Variants in ADGRL3 observed in about 807,000 individuals in gnomAD.
The protein encoded by ADGRL3 is calcium-independent alpha-latrotoxin receptor 3.
ADGRL3 carries 62 observed loss-of-function variants against 153.5 expected under a neutral mutation model. The observed-to-expected ratio is 0.40, with a 90% CI of 0.33 to 0.50. The LOEUF is 0.50. Among genes scored for constraint, ADGRL3 ranks in the 20% least tolerant of loss-of-function variants. The pLI, the probability that ADGRL3 is intolerant of heterozygous loss-of-function variation, is 0.47. For missense variants in ADGRL3, 1,641 were observed against 1,859.4 expected (o/e 0.88, Z 2.16); for synonymous variants, 710 against 672.5 (o/e 1.06, Z -0.86).
intron 4 of ADGRL3, among the ~76,000 whole-genome samples, chr4:61,522,867 C>T (rs1013595331): frequency 6.6e-6 from 1 of 152,064 alleles, no homozygotes; most frequent in African/African-American, 2.4e-5. Flanking sequence ...GCCAATATAC[C>T]TTTGGCAAAT....
chr4:61,383,992 T>C (rs530526617), intron 2 of ADGRL3, among the ~76,000 whole-genome samples: 3 of 151,864 alleles, frequency 2.0e-5, no homozygotes, highest in Non-Finnish European at 4.4e-5. Context: ...TCAACTTTCT[T>C]ATTGGTCTTC....
At chr4:61,836,874 T>C (rs1362799270) in intron 9 of ADGRL3, among the ~76,000 whole-genome samples, 6 of 152,056 alleles carry the variant, frequency 3.9e-5, no homozygotes, top group Non-Finnish European at 7.4e-5. Flanking sequence ...TAATACTGAA[T>C]AATACAAGAA....
intron 2 of ADGRL3, among the ~76,000 whole-genome samples, chr4:61,391,921 G>T (rs373948578): frequency 4.8e-5 from 7 of 145,348 alleles, no homozygotes; most frequent in African/African-American, 1.3e-4. Context: ...GTGCAGTGGC[G>T]CGAGCTCGCC....
At chr4:61,475,565 A>T (rs944081954) in intron 2 of ADGRL3, among the ~76,000 whole-genome samples, 4 of 152,162 alleles carry the variant, frequency 2.6e-5, no homozygotes, top group Non-Finnish European at 5.9e-5. Flanking sequence ...TTTTTGATGT[A>T]ATGATGAGGT....
intron 5 of ADGRL3, among the ~76,000 whole-genome samples, chr4:61,624,179 G>T (rs956720580): frequency 6.6e-6 from 1 of 152,120 alleles, no homozygotes; most frequent in Non-Finnish European, 1.5e-5. Flanking sequence ...TTAAGGAAAT[G>T]AATGGCATAG....
At chr4:61,885,604 G>T (rs995677788) in intron 9 of ADGRL3, among the ~76,000 whole-genome samples, 1 of 152,084 alleles carries the variant, frequency 6.6e-6, no homozygotes, top group Admixed American at 6.5e-5. Flanking sequence ...CCATAGTAAC[G>T]CCTATAAAAG....
At chr4:61,845,399 G>C (rs1242209741) in intron 9 of ADGRL3, among the ~76,000 whole-genome samples, 1 of 151,550 alleles carries the variant, frequency 6.6e-6, no homozygotes, top group Non-Finnish European at 1.5e-5. Flanking sequence ...ACCTGGGCTG[G>C]GAGTACAGTG....
intron 5 of ADGRL3, among the ~76,000 whole-genome samples, chr4:61,668,080 A>G (rs1448999139): frequency 6.6e-6 from 1 of 152,244 alleles, no homozygotes; most frequent in African/African-American, 2.4e-5. Context: ...GACTTTTCAT[A>G]TATGATGAAA....
At chr4:61,460,755 A>G (rs1041703341) in intron 2 of ADGRL3, among the ~76,000 whole-genome samples, 2 of 152,240 alleles carry the variant, frequency 1.3e-5, no homozygotes, top group South Asian at 2.1e-4. Flanking sequence ...AAGCCAAGCA[A>G]AAGGGGAAAC....
At chr4:61,564,559 C>T (rs1292230800) in intron 4 of ADGRL3, among the ~76,000 whole-genome samples, 1 of 152,204 alleles carries the variant, frequency 6.6e-6, no homozygotes, top group Non-Finnish European at 1.5e-5. Context: ...AGGCTTGAGC[C>T]AGAGCGTTTG....
chr4:61,998,177 A>G lies in ADGRL3; in HGVS notation c.3307A>G (p.Asn1103Asp). 1.3e-6 allele frequency: 2 copies of G among 1,544,302 alleles called. No homozygotes were observed. The highest frequency in any genetic ancestry group is 1.8e-6 in the Non-Finnish European group (2 of 1,139,742). ...IGPATLIIMLNVIFLGIALYK... is the reference protein window; with the variant it reads ...IGPATLIIMLDVIFLGIALYK... ...AACACTACCTTTTGCATTCCAGCTT[A>G]ATGTAATCTTCCTTGGGATTGCTTT... is the stretch of plus-strand genomic sequence containing the variant. The change falls in exon 21 of 27, where the codon AAT (asparagine) becomes GAT (aspartate). Residue 1103 changes from asparagine to aspartate, a missense_variant. Transcript: ENST00000683033.
Position 61,676,948 on chromosome 4 carries a change from C to CCTTACAGTATG in ADGRL3, c.583+13_583+14insCTTACAGTATG. The CCTTACAGTATG allele has an allele frequency of 6.6e-7, 1 of 1,505,400 alleles. No homozygotes were observed. Among genetic ancestry groups the CCTTACAGTATG allele is most frequent in the Non-Finnish European group, 9.2e-7 (1 of 1,084,018 alleles). The allele number at this position is 1,505,400 out of a possible 1,614,324, so 93.3% of individuals were successfully genotyped here. On this transcript the variant is annotated intron_variant, in intron 6 of 26. Transcript: ENST00000683033. ...TGTGTCCCTTACAGTATGTATATTCCTATACTTTTCTTGGCAAGAGAAAAG... is the reference window on the plus strand; with the variant it reads ...TGTGTCCCTTACAGTATGTATATTCCCTTACAGTATGTATACTTTTCTTGGCAAGAGAAAAG...
At chr4:61,945,767 T>G (rs1560411335) in intron 15 of ADGRL3, among the ~76,000 whole-genome samples, 1 of 151,768 alleles carries the variant, frequency 6.6e-6, no homozygotes, top group Non-Finnish European at 1.5e-5. Flanking sequence ...GCTTCCCAGG[T>G]GAGGCAATGC....
At chr4:61,889,131 G>A (rs568017198) in intron 9 of ADGRL3, among the ~76,000 whole-genome samples, 13 of 152,132 alleles carry the variant, frequency 8.5e-5, no homozygotes, top group South Asian at 2.1e-4. Flanking sequence ...ACTCCTAGTC[G>A]GGCACAATAC....
intron 8 of ADGRL3, among the ~76,000 whole-genome samples, chr4:61,748,630 A>C (rs1475519056): frequency 6.6e-6 from 1 of 152,152 alleles, no homozygotes; most frequent in Non-Finnish European, 1.5e-5. Flanking sequence ...TATTTAATAA[A>C]TGGTGTTGGG....
At chr4:61,792,493 A>G (rs867226778) in intron 8 of ADGRL3, among the ~76,000 whole-genome samples, 2 of 110,130 alleles carry the variant, frequency 1.8e-5, no homozygotes, top group Non-Finnish European at 3.4e-5. Context: ...TATTTATTTT[A>G]TTATTTTTTT....
At chr4:61,532,531 T>TGCGCGC (rs35405501) in intron 4 of ADGRL3, among the ~76,000 whole-genome samples, 1 of 141,256 alleles carries the variant, frequency 7.1e-6, no homozygotes, top group African/African-American at 2.6e-5. Context: ...GGATGCTGCA[T>TGCGCGC]GCGCGCGCGC....
chr4:61,955,019 G>A (rs533631546), intron 17 of ADGRL3, among the ~76,000 whole-genome samples: 8 of 152,254 alleles, frequency 5.3e-5, no homozygotes, highest in Admixed American at 1.3e-4. Flanking sequence ...CCAGCTGAAC[G>A]TTGCTTAGAA....
In ADGRL3 at chr4:61,322,134, A is replaced by C. The variant is rs572475596; in HGVS notation, c.-239-60990A>C. Reference sequence around the variant, plus strand: ...CATCTTACATGGATAACAGCAGGCAAAGAGAGAGCTTGTGCAGAGAAACTC... The same window carrying C: ...CATCTTACATGGATAACAGCAGGCACAGAGAGAGCTTGTGCAGAGAAACTC... On this transcript the variant is annotated intron_variant, in intron 1 of 26. Coordinates refer to ENST00000683033, the MANE Select transcript of ADGRL3 (RefSeq NM_001387552.1). Among the ~76,000 whole-genome samples, 695 of 152,272 alleles carry C rather than the reference A, an allele frequency of 4.6e-3. 4 individuals are homozygous for C. Among genetic ancestry groups the C allele is most frequent in the African/African-American group, 0.016 (678 of 41,558 alleles).
Sources: allele counts gnomAD v4.1 joint callset (sites outside exome capture counted in the v4.1 genomes callset), GRCh38; gene constraint gnomAD v4.1.1; transcripts MANE v1.5; gene names NCBI Gene and HGNC (gene_info 2026-07-23, HGNC 2026-07-21).